Variants in CDH13 observed in about 807,000 individuals in gnomAD.
The protein encoded by CDH13 is cadherin-13.
In CDH13, 24 loss-of-function variants were observed where a neutral mutation model predicts 63.8. The ratio of observed to expected loss-of-function variants is 0.38; its 90% CI spans 0.27 to 0.53. The LOEUF (loss-of-function observed/expected upper bound fraction) is 0.53. Ranked by LOEUF, CDH13 falls within the 20% of genes least tolerant of loss-of-function variation. The pLI, the probability that CDH13 is intolerant of heterozygous loss-of-function variation, is 0.85. For missense variants in CDH13, 1,049 were observed against 903.1 expected (o/e 1.16, Z -2.07); for synonymous variants, 503 against 355.3 (o/e 1.42, Z -4.67).
At chr16:83,029,326 C>T (rs1359013974) in intron 2 of CDH13, among the ~76,000 whole-genome samples, 1 of 152,124 alleles carries the variant, frequency 6.6e-6, no homozygotes, top group Non-Finnish European at 1.5e-5. Context: ...GTGCTAGGAT[C>T]TATGTAGCTG....
chr16:82,881,293 A>G (rs2040692856), intron 2 of CDH13, among the ~76,000 whole-genome samples: 1 of 152,066 alleles, frequency 6.6e-6, no homozygotes, highest in Non-Finnish European at 1.5e-5. Flanking sequence ...CTGACCTCAG[A>G]TGAGGATTGG....
At chr16:83,368,089 T>C (rs1162086052) in intron 6 of CDH13, among the ~76,000 whole-genome samples, 1 of 152,228 alleles carries the variant, frequency 6.6e-6, no homozygotes, top group Non-Finnish European at 1.5e-5. Flanking sequence ...TGTTATTATA[T>C]TTAATCAATT....
At chr16:82,665,732 C>T (rs1483175784) in intron 1 of CDH13, among the ~76,000 whole-genome samples, 1 of 152,008 alleles carries the variant, frequency 6.6e-6, no homozygotes, top group South Asian at 2.1e-4. Flanking sequence ...GTAGCCAGCT[C>T]CTCTCTGAAC....
intron 3 of CDH13, among the ~76,000 whole-genome samples, chr16:83,107,838 G>C (rs1310462872): frequency 6.9e-6 from 1 of 144,226 alleles, no homozygotes; most frequent in Non-Finnish European, 1.5e-5. Context: ...TTCTTTTCTT[G>C]AGACGGCATC....
At chr16:83,206,993 C>G (rs987425262) in intron 4 of CDH13, among the ~76,000 whole-genome samples, 2 of 152,172 alleles carry the variant, frequency 1.3e-5, no homozygotes, top group African/African-American at 4.8e-5. Flanking sequence ...TGTGACAGAT[C>G]TGGAAAGCAA....
intron 5 of CDH13, among the ~76,000 whole-genome samples, chr16:83,293,618 A>G (rs2089516870): frequency 6.6e-6 from 1 of 152,228 alleles, no homozygotes; most frequent in Admixed American, 6.5e-5. Context: ...CATAACAGAT[A>G]TATACATAAA....
At chr16:82,902,096 C>T (rs1448567378) in intron 2 of CDH13, among the ~76,000 whole-genome samples, 2 of 152,080 alleles carry the variant, frequency 1.3e-5, no homozygotes, top group African/African-American at 2.4e-5. Flanking sequence ...TATCAAACTG[C>T]CTTTAATTTG....
chr16:82,719,384 C>T (rs902978942), intron 1 of CDH13: 1 of 455,790 alleles, frequency 2.2e-6, no homozygotes, highest in African/African-American at 2.0e-5. Context: ...GTGTGCAAGT[C>T]CCAGTTCCAG....
chr16:83,347,069 C>A (rs1048743530), intron 6 of CDH13, among the ~76,000 whole-genome samples: 1 of 152,154 alleles, frequency 6.6e-6, no homozygotes, highest in African/African-American at 2.4e-5. Context: ...AAAAGACTTT[C>A]AAACAAAAAG....
At chr16:82,850,061 C>T (rs1018544622) in intron 1 of CDH13, among the ~76,000 whole-genome samples, 2 of 152,140 alleles carry the variant, frequency 1.3e-5, no homozygotes, top group African/African-American at 2.4e-5. Flanking sequence ...CCCGTGAATC[C>T]AGAAGAAATA....
intron 7 of CDH13, among the ~76,000 whole-genome samples, chr16:83,503,746 T>A (rs183110578): frequency 6.6e-6 from 1 of 152,212 alleles, no homozygotes; most frequent in African/African-American, 2.4e-5. Flanking sequence ...TTGTTTGTTT[T>A]TTTTCTTGTA....
chr16:83,360,745 A>G (rs923401145), intron 6 of CDH13, among the ~76,000 whole-genome samples: 3 of 152,152 alleles, frequency 2.0e-5, no homozygotes, highest in African/African-American at 7.2e-5. Flanking sequence ...TCAATAGGAT[A>G]AAGGCTTCCA....
At chr16:83,208,078 T>C (rs1000429218) in intron 4 of CDH13, among the ~76,000 whole-genome samples, 1 of 152,150 alleles carries the variant, frequency 6.6e-6, no homozygotes, top group African/African-American at 2.4e-5. Context: ...GAGCTCCATT[T>C]GACCTTGGTG....
intron 6 of CDH13, among the ~76,000 whole-genome samples, chr16:83,463,763 T>A (rs986954663): frequency 6.6e-6 from 1 of 152,164 alleles, no homozygotes; most frequent in African/African-American, 2.4e-5. Flanking sequence ...TATGATCACA[T>A]CTCTGCATTC....
chr16:83,444,663 A>T (rs182757825), intron 6 of CDH13, among the ~76,000 whole-genome samples: 42 of 152,300 alleles, frequency 2.8e-4, no homozygotes, highest in African/African-American at 9.9e-4. Flanking sequence ...TGCTGTTTTT[A>T]ATAATAGTAA....
chr16:83,464,614 G>A (rs1406531191), intron 6 of CDH13, among the ~76,000 whole-genome samples: 1 of 152,020 alleles, frequency 6.6e-6, no homozygotes, highest in African/African-American at 2.4e-5. Context: ...CCCGCCTTGA[G>A]CTCCCAACAT....
intron 4 of CDH13, among the ~76,000 whole-genome samples, chr16:83,149,091 T>C (rs1597420487): frequency 6.6e-6 from 1 of 152,210 alleles, no homozygotes; most frequent in East Asian, 1.9e-4. Flanking sequence ...CCTTATCTTG[T>C]TACTATGGCT....
chr16:82,806,991 C>T (rs1222395257), intron 1 of CDH13, among the ~76,000 whole-genome samples: 1 of 152,096 alleles, frequency 6.6e-6, no homozygotes, highest in African/African-American at 2.4e-5. Context: ...GCAAAGGAAG[C>T]AGCTATCTTT....
At chr16:82,910,345 T>G (rs2041790575) in intron 2 of CDH13, among the ~76,000 whole-genome samples, 1 of 152,248 alleles carries the variant, frequency 6.6e-6, no homozygotes, top group Non-Finnish European at 1.5e-5. Flanking sequence ...ATTTCTCCAG[T>G]AATGAATGTC....
Sources: allele counts gnomAD v4.1 joint callset (sites outside exome capture counted in the v4.1 genomes callset), GRCh38; gene constraint gnomAD v4.1.1; transcripts MANE v1.5; gene names NCBI Gene and HGNC (gene_info 2026-07-23, HGNC 2026-07-21).